AP1G1: variants seen among roughly 807,000 people sequenced by gnomAD.
AP1G1 encodes the protein adaptor related protein complex 1 subunit gamma 1.
In AP1G1, 7 loss-of-function variants were observed where a neutral mutation model predicts 108.3. That is an observed-to-expected ratio of 0.06 (90% confidence interval 0.04 to 0.12). The LOEUF (loss-of-function observed/expected upper bound fraction) is 0.12, where lower values mean the gene tolerates loss of function less well. AP1G1 is among the 10% of genes least tolerant of loss of function. AP1G1 has a pLI of 1.00. For synonymous variants in AP1G1, 379 were observed against 353.5 expected, an observed-to-expected ratio of 1.07 and a Z score of -0.81; for missense variants, 756 against 1,010.7, an observed-to-expected ratio of 0.75 and a Z score of 3.42.
chr16:71,731,055 TTA>T lies in AP1G1; in HGVS notation c.*2001_*2002del, dbSNP rs1270057077. 6.6e-6 allele frequency: 1 copy of T among 152,592 alleles called. No individual in the cohort carries two copies. Among genetic ancestry groups the T allele is most frequent in the Non-Finnish European group, 1.5e-5 (1 of 68,040 alleles). 9.5% of individuals were successfully genotyped at this position (152,592 alleles called of 1,614,324 possible). ...ATTCTATTCAAGAAATCCACCAACATTATGTTAATCCTATCATGTTTCACAGC... is the reference window on the plus strand; with the variant it reads ...ATTCTATTCAAGAAATCCACCAACATTGTTAATCCTATCATGTTTCACAGC... On this transcript the variant is annotated 3_prime_UTR_variant, in exon 23 of 23. Transcript: ENST00000299980.
At chr16:71,775,129 C>T (rs1416783397) in intron 2 of AP1G1, among the ~76,000 whole-genome samples, 8 of 148,190 alleles carry the variant, frequency 5.4e-5, no homozygotes, top group Non-Finnish European at 1.0e-4. Flanking sequence ...TGGGTTCAAG[C>T]GATTCTCCTG....
At chr16:71,769,560 T>G in intron 6 of AP1G1, 63 bp downstream of exon 6, 1 of 1,434,752 alleles carries the variant, frequency 7.0e-7, no homozygotes, top group South Asian at 1.2e-5. Flanking sequence ...AAGAAAATCA[T>G]GTACTTTTCA....
intron 2 of AP1G1, among the ~76,000 whole-genome samples, chr16:71,779,463 C>T (rs902803450): frequency 6.6e-6 from 1 of 151,982 alleles, no homozygotes; most frequent in Non-Finnish European, 1.5e-5. Context: ...GCCTCAACCT[C>T]CCAAGTAGCT....
chr16:71,742,111 G>C (rs913760947), intron 19 of AP1G1, among the ~76,000 whole-genome samples: 1 of 151,954 alleles, frequency 6.6e-6, no homozygotes, highest in Admixed American at 6.6e-5. Context: ...AATAAGGCAA[G>C]AAAACCCAGA....
intron 1 of AP1G1, among the ~76,000 whole-genome samples, chr16:71,793,312 TAG>T (rs1173551866): frequency 6.6e-6 from 1 of 152,070 alleles, no homozygotes; most frequent in Non-Finnish European, 1.5e-5. Context: ...GCAGCCAATA[TAG>T]AGAGTGACAC....
intron 11 of AP1G1, among the ~76,000 whole-genome samples, chr16:71,757,123 A>C (rs145286300): frequency 6.6e-6 from 1 of 152,186 alleles, no homozygotes; most frequent in Non-Finnish European, 1.5e-5. Flanking sequence ...TTGGTCAATA[A>C]TATCAAACAC....
intron 12 of AP1G1, 152 bp downstream of exon 12, chr16:71,755,867 A>G (rs2030759389): frequency 2.6e-6 from 2 of 777,882 alleles, no homozygotes; most frequent in Admixed American, 5.4e-5. Context: ...GCTGGTCTCG[A>G]ACTCCTGACT....
chr16:71,753,996 T>C, intron 12 of AP1G1, 109 bp from the exon 13 acceptor site: 1 of 1,027,152 alleles, frequency 9.7e-7, no homozygotes, highest in Non-Finnish European at 1.5e-6. Flanking sequence ...TCCCAACATC[T>C]TGGGAGGCCG....
chr16:71,764,543 A>G (rs1328052592), intron 8 of AP1G1, 95 bp from the exon 9 acceptor site: 1 of 1,251,256 alleles, frequency 8.0e-7, no homozygotes, highest in Non-Finnish European at 1.1e-6. Flanking sequence ...GATTACAGCT[A>G]TGAATGAGGA....
chr16:71,808,439 A>G, intron 1 of AP1G1: 1 of 1,182,150 alleles, frequency 8.5e-7, no homozygotes, highest in South Asian at 1.5e-5. Flanking sequence ...GCTAAACCCC[A>G]GGCTCCCTGA....
chr16:71,739,329 G>A lies in AP1G1; in HGVS notation c.2012C>T (p.Ala671Val), dbSNP rs774653648. ...TGGGACTGAGGCAGGGGCAGGAGCA[G>A]CAGCTGGAGCACCTAAAGGAAATAT... ...GDINLTGAPA[A>V]APAPASVPQI... The change falls in exon 20 of 23, where the codon GCT (alanine) becomes GTT (valine). Residue 671 changes from alanine to valine, a missense_variant. Physicochemically the swap from Ala to Val is moderately conservative, Grantham distance 64. Around this residue, in one of 3 missense-constraint regions of AP1G1, gnomAD observed 357 missense variants for 366.5 expected, o/e 0.97. Coordinates refer to ENST00000299980, the MANE Select transcript of AP1G1 (RefSeq NM_001128.6). 6.2e-7 allele frequency: 1 copy of A among 1,600,034 alleles called. No individual in the cohort carries two copies. Among genetic ancestry groups the A allele is most frequent in the Non-Finnish European group, 8.5e-7 (1 of 1,176,526 alleles).
chr16:71,768,843 G>A lies in AP1G1; in HGVS notation c.642+780C>T, dbSNP rs868576497. ...GGCAGCAGGAGAATGGCATGAACCC[G>A]GGAGGCGGAACTTGCAGCGAGCCAA... On this transcript the variant is annotated intron_variant, in intron 6 of 22. Coordinates refer to ENST00000299980, the MANE Select transcript of AP1G1 (RefSeq NM_001128.6). Among the ~76,000 whole-genome samples, 62 of 145,388 alleles carry A rather than the reference G, an allele frequency of 4.3e-4. No individual in the cohort carries two copies. In the Middle Eastern group the frequency reaches 0.034, roughly 80 times the overall value.
chr16:71,751,324 C>CAATAATAAT (rs113455286), intron 13 of AP1G1: 1 of 150,522 alleles, frequency 6.6e-6, no homozygotes, highest in African/African-American at 2.4e-5. Flanking sequence ...TCACTACCAA[C>CAATAATAAT]AATAATAATA....
At chr16:71,786,893 T>C (rs905810842) in intron 2 of AP1G1, among the ~76,000 whole-genome samples, 8 of 152,044 alleles carry the variant, frequency 5.3e-5, no homozygotes, top group African/African-American at 1.9e-4. Context: ...CAAAGCCCTG[T>C]CTCTATAAAA....
intron 17 of AP1G1, 24 bp downstream of exon 17, chr16:71,746,556 GATACACGC>G: frequency 7.5e-7 from 1 of 1,327,028 alleles, no homozygotes; most frequent in Non-Finnish European, 1.1e-6. Context: ...GATGCTAAGA[GATACACGC>G]ATTGCTTAGT....
intron 12 of AP1G1, among the ~76,000 whole-genome samples, chr16:71,754,370 G>C (rs765090696): frequency 4.0e-5 from 6 of 151,568 alleles, no homozygotes; most frequent in Non-Finnish European, 8.8e-5. Context: ...GGAAGGAAAG[G>C]AAAAGAAAGG....
Position 71,764,465 on chromosome 16 carries a change from A to G in AP1G1, c.820-17T>C, listed in dbSNP as rs947468535. On this transcript the variant is annotated splice_polypyrimidine_tract_variant and intron_variant, in intron 8 of 22. Coordinates refer to ENST00000299980, the MANE Select transcript of AP1G1 (RefSeq NM_001128.6). ...AGTGGCAACCTGAAAAGACATATCGAGGGCAGTACATAAGTGATAAAAACA... is the reference window on the plus strand; with the variant it reads ...AGTGGCAACCTGAAAAGACATATCGGGGGCAGTACATAAGTGATAAAAACA... The G allele has an allele frequency of 1.3e-6, 2 of 1,519,626 alleles. No homozygotes were observed. Among genetic ancestry groups the G allele is most frequent in the Non-Finnish European group, 1.8e-6 (2 of 1,099,718 alleles). 94.1% of individuals were successfully genotyped at this position (1,519,626 alleles called of 1,614,324 possible). A position where few individuals can be genotyped will look rare whatever the true frequency, so the allele number is the denominator to read the frequency against.
intron 13 of AP1G1, 148 bp downstream of exon 13, chr16:71,753,685 G>C (rs12920890): frequency 1.3e-6 from 1 of 743,382 alleles, no homozygotes; most frequent in Non-Finnish European, 2.3e-6. Context: ...GCTGCTTTAG[G>C]TTTTTCTTCA....
At chr16:71,781,530 GAC>G (rs1292393227) in intron 2 of AP1G1, among the ~76,000 whole-genome samples, 2 of 152,126 alleles carry the variant, frequency 1.3e-5, no homozygotes, top group African/African-American at 2.4e-5. Flanking sequence ...TGCTGCTCAT[GAC>G]TGCCATGCCA....
Sources: allele counts gnomAD v4.1 joint callset (sites outside exome capture counted in the v4.1 genomes callset), GRCh38; gene constraint gnomAD v4.1.1; regional missense constraint gnomAD v4.1.1; transcripts MANE v1.5; gene names NCBI Gene and HGNC (gene_info 2026-07-23, HGNC 2026-07-21).